Variants in SPAG9 observed in about 807,000 individuals in gnomAD.
The protein encoded by SPAG9 is sperm associated antigen 9, also known as C-Jun-amino-terminal kinase-interacting protein 4.
A neutral mutation model predicts 166.5 loss-of-function variants in SPAG9; 35 were observed. That is an observed-to-expected ratio of 0.21 (90% CI 0.16 to 0.28). The LOEUF is 0.28. Among genes scored for constraint, SPAG9 ranks in the 10% least tolerant of loss-of-function variants. The pLI, the probability that SPAG9 is intolerant of heterozygous loss-of-function variation, is 1.00. For missense variants in SPAG9, 1,235 were observed against 1,603.3 expected, an observed-to-expected ratio of 0.77 and a Z score of 3.92; for synonymous variants, 534 against 565.5, an observed-to-expected ratio of 0.94 and a Z score of 0.79.
At chr17:51,104,881 C>T (rs1487289444) in intron 1 of SPAG9, among the ~76,000 whole-genome samples, 4 of 146,430 alleles carry the variant, frequency 2.7e-5, no homozygotes, top group Admixed American at 7.0e-5. Flanking sequence ...TGCAGTGAGC[C>T]GAGATCGCGC....
intron 2 of SPAG9, among the ~76,000 whole-genome samples, chr17:51,064,075 TA>T (rs1206579143): frequency 6.6e-6 from 1 of 152,092 alleles, no homozygotes; most frequent in Non-Finnish European, 1.5e-5. Context: ...AGTAGAGGAG[TA>T]AATGAGAGCC....
intron 13 of SPAG9, among the ~76,000 whole-genome samples, chr17:51,000,716 GCAAGACTCCATCA>G (rs1567982561): frequency 6.6e-6 from 1 of 151,504 alleles, no homozygotes; most frequent in Non-Finnish European, 1.5e-5. Flanking sequence ...TGGGCACAGA[GCAAGACTCCATCA>G]CAAGACTCCA....
In SPAG9 at chr17:51,120,777, T is replaced by C. The variant is rs2049456559; in HGVS notation, c.-121A>G. ...CTAGGGCTGGAGCCCGGGCCGGGGC[T>C]GGGGCTGGGCCCGGCGGGGTGGGGG... is the stretch of plus-strand genomic sequence containing the variant. On this transcript the variant is annotated 5_prime_UTR_variant, in exon 1 of 30. Transcript: ENST00000262013. The surrounding 1 kb of genome is among the most constrained non-coding windows in gnomAD (Gnocchi z 4.7). 1.2e-6 allele frequency: 1 copy of C among 815,706 alleles called. No individual in the cohort carries two copies. Among genetic ancestry groups the C allele is most frequent in the Non-Finnish European group, 1.8e-6 (1 of 570,202 alleles). 50.5% of individuals were successfully genotyped at this position (815,706 alleles called of 1,614,324 possible).
At chr17:51,043,230 T>C (rs2046906450) in intron 4 of SPAG9, among the ~76,000 whole-genome samples, 1 of 152,160 alleles carries the variant, frequency 6.6e-6, no homozygotes, top group Admixed American at 6.5e-5. Flanking sequence ...TTTGCGACTA[T>C]GAGCTGCCGG....
chr17:51,079,793 T>C lies in SPAG9; in HGVS notation c.304-89A>G, dbSNP rs530278791. On this transcript the variant is annotated intron_variant, in intron 1 of 29. Transcript: ENST00000262013. ...TATTTCTTGGAATCAATAATCACAA[T>C]TAGGTATTAACTACTTAGATCTCAG... The C allele has an allele frequency of 1.7e-5, 15 of 895,008 alleles. No homozygotes were observed. The East Asian group carries it at 3.6e-4, about 22-fold the overall frequency. The allele number at this position is 895,008 out of a possible 1,614,324, so 55.4% of individuals were successfully genotyped here. A position where few individuals can be genotyped will look rare whatever the true frequency, so the allele number is the denominator to read the frequency against.
intron 13 of SPAG9, 105 bp downstream of exon 13, chr17:51,001,610 G>T: frequency 9.0e-7 from 1 of 1,116,480 alleles, no homozygotes; most frequent in Non-Finnish European, 1.3e-6. Context: ...AGTAAACAGA[G>T]AAAGGGGCTT....
rs1183678796 is a variant in SPAG9 at position 50,962,198 on chromosome 17, T to C, written c.*4074A>G. On this transcript the variant is annotated 3_prime_UTR_variant, in exon 30 of 30. Transcript: ENST00000262013. ...ATACATGTTCATATACATATTTATATATATCTCATGTACAAAGTTACATTC... is the reference window on the plus strand; with the variant it reads ...ATACATGTTCATATACATATTTATACATATCTCATGTACAAAGTTACATTC... 3 of 152,250 alleles carry C rather than the reference T, an allele frequency of 2.0e-5. No individual in the cohort carries two copies. Among genetic ancestry groups the C allele is most frequent in the Non-Finnish European group, 2.9e-5 (2 of 68,038 alleles). 9.4% of individuals were successfully genotyped at this position (152,250 alleles called of 1,614,324 possible).
chr17:51,067,855 C>T (rs948777472), intron 2 of SPAG9, among the ~76,000 whole-genome samples: 2 of 152,110 alleles, frequency 1.3e-5, no homozygotes, highest in African/African-American at 4.8e-5. Flanking sequence ...TCTTTCTATC[C>T]GTCTTTCCAA....
At chr17:51,082,848 G>A (rs1238965755) in intron 1 of SPAG9, among the ~76,000 whole-genome samples, 3 of 149,722 alleles carry the variant, frequency 2.0e-5, no homozygotes, top group Non-Finnish European at 3.0e-5. Context: ...ACGTTCCTTT[G>A]GGGAACTTTC....
chr17:51,074,892 T>C (rs914479563), intron 2 of SPAG9, among the ~76,000 whole-genome samples: 3 of 151,906 alleles, frequency 2.0e-5, no homozygotes, highest in African/African-American at 7.3e-5. Context: ...AATTGATCAC[T>C]TCCCTTAATT....
intron 2 of SPAG9, among the ~76,000 whole-genome samples, chr17:51,066,571 A>G (rs1332393500): frequency 4.0e-5 from 6 of 149,754 alleles, no homozygotes; most frequent in Non-Finnish European, 7.4e-5. Context: ...AAAAAAGAAA[A>G]AAAAAAAAAA....
chr17:50,963,398 G>A lies in SPAG9; in HGVS notation c.*2874C>T, dbSNP rs1436238135. 2 of 152,184 alleles carry A rather than the reference G, an allele frequency of 1.3e-5. No individual in the cohort carries two copies. The highest frequency in any genetic ancestry group is 2.9e-5 in the Non-Finnish European group (2 of 68,032). The allele number at this position is 152,184 out of a possible 1,614,324, so 9.4% of individuals were successfully genotyped here. On this transcript the variant is annotated 3_prime_UTR_variant, in exon 30 of 30. Transcript: ENST00000262013. ...AATATGAACTTGTTATTGGGGGAAAGGGGAAGTGAAGCAATCTGTAGAAAA... is the reference window on the plus strand; with the variant it reads ...AATATGAACTTGTTATTGGGGGAAAAGGGAAGTGAAGCAATCTGTAGAAAA...
At chr17:51,006,839 A>T (rs1440820448) in intron 10 of SPAG9, among the ~76,000 whole-genome samples, 1 of 152,206 alleles carries the variant, frequency 6.6e-6, no homozygotes, top group African/African-American at 2.4e-5. Context: ...GCACCCAAGA[A>T]TGCACAGCTA....
intron 15 of SPAG9, 37 bp from the exon 16 acceptor site, chr17:50,996,731 C>T (rs374180828): frequency 3.7e-5 from 59 of 1,599,654 alleles, no homozygotes; most frequent in Non-Finnish European, 4.8e-5. Context: ...TACATGAATA[C>T]GTTTAATTAC....
chr17:51,041,231 T>G (rs775911108), intron 5 of SPAG9, among the ~76,000 whole-genome samples: 2 of 152,216 alleles, frequency 1.3e-5, no homozygotes, highest in African/African-American at 2.4e-5. Flanking sequence ...TAAACTCATA[T>G]AGCCTAAATC....
chr17:51,053,855 G>GTGTA (rs1491377804), intron 3 of SPAG9, among the ~76,000 whole-genome samples: 6 of 37,744 alleles, frequency 1.6e-4, no homozygotes, highest in African/African-American at 4.2e-4. Context: ...AAAAAAAAAA[G>GTGTA]TATATATATA....
intron 1 of SPAG9, among the ~76,000 whole-genome samples, chr17:51,087,825 TC>T (rs1256636701): frequency 1.3e-5 from 2 of 152,210 alleles, no homozygotes; most frequent in African/African-American, 4.8e-5. Context: ...AGCCTCGACT[TC>T]CTGGGCTCAA....
At chr17:51,023,378 G>A (rs759682451) in intron 6 of SPAG9, 1 of 249,678 alleles carries the variant, frequency 4.0e-6, no homozygotes, top group Non-Finnish European at 8.1e-6. Context: ...AGGAATTATT[G>A]CCACATCGAT....
Position 50,995,130 on chromosome 17 carries a change from C to T in SPAG9, c.2153G>A (p.Gly718Asp). 1 of 1,614,094 alleles carries T rather than the reference C, an allele frequency of 6.2e-7. No individual in the cohort carries two copies. The highest frequency in any genetic ancestry group is 8.5e-7 in the Non-Finnish European group (1 of 1,179,952). Residue 718 changes from glycine (G) to aspartate (D), a missense_variant, in exon 18 of 30, where the codon GGT becomes GAT. This residue lies in a region of SPAG9 where 493 missense variants were observed against 559.4 expected (regional missense o/e 0.88). Transcript: ENST00000262013. ...GASVFYKDVA[G>D]LDTEGSKQRS... ...CTGTTTACTGCCTTCTGTATCCAAA[C>T]CAGCAACATCCTTGTAAAATACACT... is the stretch of plus-strand genomic sequence containing the variant.
Sources: gnomAD v4.1 joint callset for allele counts (sites outside exome capture counted in the v4.1 genomes callset) on GRCh38, gnomAD v4.1.1 for gene constraint, gnomAD v4.1.1 regional missense constraint, Gnocchi (gnomAD v3.1) non-coding constraint, MANE v1.5 for transcripts, NCBI Gene and HGNC (gene_info 2026-07-23, HGNC 2026-07-21) for gene names.